LRP8: variants seen among roughly 807,000 people sequenced by gnomAD.
The protein encoded by LRP8 is LDL receptor related protein 8.
In LRP8, 46 loss-of-function variants were observed where a neutral mutation model predicts 111.6. That is an observed-to-expected ratio of 0.41 (90% CI 0.33 to 0.53). LRP8 has a LOEUF of 0.53. Among genes scored for constraint, LRP8 ranks in the 20% least tolerant of loss-of-function variants. LRP8 has a pLI of 0.20. For missense variants in LRP8, 959 were observed against 1,297.4 expected, an observed-to-expected ratio of 0.74 and a Z score of 4.01; for synonymous variants, 464 against 511.2, an observed-to-expected ratio of 0.91 and a Z score of 1.24.
Position 53,280,625 on chromosome 1 carries a change from TCCTTCTCCCCGTCGCAGC to T in LRP8, c.440_457del (p.Arg147_Asp153delinsHis). 6.2e-7 allele frequency: 1 copy of T among 1,613,448 alleles called. No individual in the cohort carries two copies. The highest frequency in any genetic ancestry group is 8.5e-7 in the Non-Finnish European group (1 of 1,180,040). ...GGCCTCATCCGCTCCACCCTCGCAGTCCTTCTCCCCGTCGCAGCGCCACGAGGCAGGTACACACTTGTG... is the reference window on the plus strand; with the variant it reads ...GGCCTCATCCGCTCCACCCTCGCAGTGCCACGAGGCAGGTACACACTTGTG... On this transcript the variant is annotated inframe_deletion, in exon 4 of 19. Coordinates refer to ENST00000306052, the MANE Select transcript of LRP8 (RefSeq NM_004631.5).
intron 2 of LRP8, among the ~76,000 whole-genome samples, chr1:53,307,866 G>A (rs2100514215): frequency 6.6e-6 from 1 of 152,362 alleles, no homozygotes; most frequent in South Asian, 2.1e-4. Context: ...GCAGGACCTA[G>A]GACGAGGGTG....
At chr1:53,312,020 T>C (rs1464059018) in intron 2 of LRP8, among the ~76,000 whole-genome samples, 2 of 152,138 alleles carry the variant, frequency 1.3e-5, no homozygotes, top group Admixed American at 1.3e-4. Flanking sequence ...AGAACAACGA[T>C]CTCAGTGCTG....
At chr1:53,281,416 A>C (rs562531279) in intron 3 of LRP8, among the ~76,000 whole-genome samples, 85 of 152,354 alleles carry the variant, frequency 5.6e-4, no homozygotes, top group Non-Finnish European at 5.7e-4. Flanking sequence ...AGCTCTTATC[A>C]TGAGTTTCTG....
rs58825423 is a variant in LRP8, at chr1:53,258,741, AT to A, written c.2057-271del. ...TAGTGTACATTGTACCTAATGTGTA[AT>A]TTTTTTTTTTTTAAATCTCTAGCCC... On this transcript the variant is annotated intron_variant, in intron 13 of 18. Coordinates refer to ENST00000306052, the MANE Select transcript of LRP8 (RefSeq NM_004631.5). Among the ~76,000 whole-genome samples the A allele has an allele frequency of 7.7e-3, 1,120 of 146,124 alleles. 9 individuals are homozygous for A. The highest frequency in any genetic ancestry group is 0.019 in the East Asian group (95 of 5,020).
chr1:53,320,036 C>T (rs1654298215), intron 2 of LRP8, among the ~76,000 whole-genome samples: 1 of 152,276 alleles, frequency 6.6e-6, no homozygotes, highest in African/African-American at 2.4e-5. Flanking sequence ...GACTTCATCT[C>T]TCAGAGTCTT....
intron 16 of LRP8, 95 bp downstream of exon 16, chr1:53,255,022 A>G: frequency 7.5e-7 from 1 of 1,334,944 alleles, no homozygotes; most frequent in Non-Finnish European, 1.1e-6. Flanking sequence ...AGAACAAGTC[A>G]ATAGGGCAGG....
intron 6 of LRP8, chr1:53,274,878 G>C (rs1394603767): frequency 2.2e-6 from 1 of 455,116 alleles, no homozygotes; most frequent in South Asian, 1.5e-5. Flanking sequence ...AAGAAGGGCT[G>C]GGCTGGGGCC....
intron 6 of LRP8, chr1:53,274,617 C>T: frequency 2.2e-6 from 1 of 446,938 alleles, no homozygotes; most frequent in Non-Finnish European, 4.5e-6. Flanking sequence ...GGGCAGGGGG[C>T]ACTGGAGGGC....
At chr1:53,274,881 C>T (rs1646870912) in intron 6 of LRP8, 1 of 454,696 alleles carries the variant, frequency 2.2e-6, no homozygotes, top group Admixed American at 2.4e-5. Flanking sequence ...AAGGGCTGGG[C>T]TGGGGCCCAC....
intron 2 of LRP8, among the ~76,000 whole-genome samples, chr1:53,311,871 T>G (rs2788033): frequency 6.6e-6 from 1 of 152,024 alleles, no homozygotes; most frequent in Non-Finnish European, 1.5e-5. Flanking sequence ...ATCTGTACAA[T>G]GGGTGGAGTC....
intron 2 of LRP8, chr1:53,307,320 A>AC (rs928159960): frequency 8.5e-5 from 13 of 152,198 alleles, no homozygotes; most frequent in African/African-American, 3.1e-4. Flanking sequence ...TGCCACACTT[A>AC]CCCCGTCCCA....
At chr1:53,261,083 G>A (rs1173960929) in intron 12 of LRP8, among the ~76,000 whole-genome samples, 1 of 152,144 alleles carries the variant, frequency 6.6e-6, no homozygotes, top group Admixed American at 6.5e-5. Flanking sequence ...GTACAACTGT[G>A]CATCCTCATA....
chr1:53,262,193 G>T lies in LRP8; in HGVS notation c.1789C>A (p.Arg597Ser). 6.2e-7 allele frequency: 1 copy of T among 1,613,364 alleles called. No homozygotes were observed. Among genetic ancestry groups the T allele is most frequent in the Non-Finnish European group, 8.5e-7 (1 of 1,179,964 alleles). ...AGCTTGGAGTCTACCCAGTACAAGC[G>T]CTGGCTCAGCAGATCTTGGGAAGGA... Reference protein sequence around the residue: ...NGITLDLLSQRLYWVDSKLHQ... With the variant: ...NGITLDLLSQSLYWVDSKLHQ... Residue 597 changes from arginine to serine, a missense_variant, in exon 12 of 19, where the codon CGC becomes AGC. Around this residue, in one of 3 missense-constraint regions of LRP8, gnomAD observed 819 missense variants for 1,097.6 expected, o/e 0.75. Transcript: ENST00000306052. The surrounding 1 kb of genome is among the most constrained non-coding windows in gnomAD (Gnocchi z 4.8).
chr1:53,266,978 C>T lies in LRP8; in HGVS notation c.1253-331G>A, dbSNP rs943342320. On this transcript the variant is annotated intron_variant, in intron 8 of 18. Coordinates refer to ENST00000306052, the MANE Select transcript of LRP8 (RefSeq NM_004631.5). The surrounding 1 kb of genome is among the most constrained non-coding windows in gnomAD (Gnocchi z 5.0). ...GTTCCCTGTCCAGCCTCATTACTCG[C>T]CTCTCCAACATAGCTTGATTCCACC... is the stretch of plus-strand genomic sequence containing the variant. The T allele has an allele frequency of 2.0e-5, 5 of 253,788 alleles. No homozygotes were observed. Among genetic ancestry groups the T allele is most frequent in the Admixed American group, 9.2e-5 (2 of 21,842 alleles). 15.7% of individuals were successfully genotyped at this position (253,788 alleles called of 1,614,324 possible).
chr1:53,257,296 G>A lies in LRP8; in HGVS notation c.2378C>T (p.Ala793Val). The change falls in exon 15 of 19, where the codon GCT becomes GTT. Residue 793 changes from alanine (A) to valine (V), a missense_variant. Physicochemically the swap from Ala to Val is moderately conservative, Grantham distance 64. Around this residue, in one of 3 missense-constraint regions of LRP8, gnomAD observed 819 missense variants for 1,097.6 expected, o/e 0.75. Coordinates refer to ENST00000306052, the MANE Select transcript of LRP8 (RefSeq NM_004631.5). ...TAGGGTAGACGGGCTGATGCTGGGA[G>A]CCCTGGGGACACTAACTGAGCTTGG... ...AVPSSVSVPR[A>V]PSISPSTLSP... is the part of the protein sequence containing the mutation. 1 of 1,614,178 alleles carries A rather than the reference G, an allele frequency of 6.2e-7. No homozygotes were observed. Among genetic ancestry groups the A allele is most frequent in the Non-Finnish European group, 8.5e-7 (1 of 1,180,046 alleles).
intron 3 of LRP8, chr1:53,288,301 A>T (rs1190913767): frequency 1.3e-5 from 2 of 152,182 alleles, no homozygotes; most frequent in Admixed American, 1.3e-4. Context: ...CTCCTTCCTT[A>T]GGTTGCCAAG....
At chr1:53,256,377 C>G (rs1320461300) in intron 15 of LRP8, among the ~76,000 whole-genome samples, 1 of 152,250 alleles carries the variant, frequency 6.6e-6, no homozygotes, top group Non-Finnish European at 1.5e-5. Context: ...ATATTAAAAC[C>G]TAGAGCATGA....
At chr1:53,308,301 C>T (rs756430675) in intron 2 of LRP8, among the ~76,000 whole-genome samples, 7 of 152,334 alleles carry the variant, frequency 4.6e-5, no homozygotes, top group Non-Finnish European at 8.8e-5. Flanking sequence ...CAGTGCTCAC[C>T]GCATCTCCAG....
At chr1:53,286,463 T>C (rs1647566971) in intron 3 of LRP8, among the ~76,000 whole-genome samples, 1 of 152,226 alleles carries the variant, frequency 6.6e-6, no homozygotes, top group Non-Finnish European at 1.5e-5. Context: ...TCCAGAACTA[T>C]AACTCACCTT....
Sources: gnomAD v4.1 joint callset for allele counts (sites outside exome capture counted in the v4.1 genomes callset) on GRCh38, gnomAD v4.1.1 for gene constraint, gnomAD v4.1.1 regional missense constraint, Gnocchi (gnomAD v3.1) non-coding constraint, MANE v1.5 for transcripts, NCBI Gene and HGNC (gene_info 2026-07-23, HGNC 2026-07-21) for gene names.